CIAO3: variants seen among roughly 807,000 people sequenced by gnomAD.
CIAO3 encodes cytosolic iron-sulfur assembly component 3, also known as LET1 like/JFP15.
CIAO3 carries 45 observed loss-of-function variants against 51.5 expected under a neutral mutation model. The ratio of observed to expected loss-of-function variants is 0.87; its 90% CI spans 0.69 to 1.12. The LOEUF (loss-of-function observed/expected upper bound fraction) is 1.12. CIAO3 is among the 50% of genes most tolerant of loss of function. CIAO3 has a pLI of 0.00. For missense variants in CIAO3, 668 were observed against 632.5 expected (o/e 1.06, Z -0.60); for synonymous variants, 314 against 269.3 (o/e 1.17, Z -1.63).
At chr16:736,624 C>T (rs1567345638) in intron 3 of CIAO3, among the ~76,000 whole-genome samples, 1 of 152,006 alleles carries the variant, frequency 6.6e-6, no homozygotes, top group Non-Finnish European at 1.5e-5. Context: ...GTTCAGCCTC[C>T]TGGGTAGATG....
Position 730,881 on chromosome 16 carries a change from C to A in CIAO3, c.1154G>T (p.Cys385Phe). 1 of 1,612,896 alleles carries A rather than the reference C, an allele frequency of 6.2e-7. No homozygotes were observed. The highest frequency in any genetic ancestry group is 8.5e-7 in the Non-Finnish European group (1 of 1,180,006). ...CATGACCTCCACGTAGTGGTAGGGG[C>A]AGCGCCCTCGTTTGAGCCTCTGCAC... ...NLVQRLKRGR[C>F]PYHYVEVMAC... Residue 385 changes from cysteine to phenylalanine, a missense_variant, in exon 10 of 11, where the codon TGC (cysteine) becomes TTC (phenylalanine). By Grantham distance (205) the Cys-to-Phe change is radical. Coordinates refer to ENST00000251588, the MANE Select transcript of CIAO3 (RefSeq NM_022493.3).
At position 730,570 on chromosome 16, in the gene CIAO3, C is replaced by T. The variant is rs775803074; in HGVS notation, c.1278G>A (p.Met426Ile). ...CGTCCTCGGGCGCCTCAGCCCGGAC[C>T]ATGCCGTACAGTCTCTCCACGTGCT... ...LLQHVERLYG[M>I]VRAEAPEDAP... is the part of the protein sequence containing the mutation. Residue 426 changes from methionine (M) to isoleucine (I), a missense_variant, in exon 11 of 11, where the codon ATG becomes ATA. Coordinates refer to ENST00000251588, the MANE Select transcript of CIAO3 (RefSeq NM_022493.3). 2 of 1,611,040 alleles carry T rather than the reference C, an allele frequency of 1.2e-6. No individual in the cohort carries two copies. The highest frequency in any genetic ancestry group is 1.7e-6 in the Non-Finnish European group (2 of 1,179,984).
In CIAO3 at chr16:731,014, G is replaced by A; in HGVS notation, c.1035-14C>T. The A allele has an allele frequency of 6.2e-7, 1 of 1,612,288 alleles. No homozygotes were observed. The highest frequency in any genetic ancestry group is 1.1e-5 in the South Asian group (1 of 91,046). ...AAGTCTTTGTTCCTGGGGGGCACAG[G>A]CGGGGTTTGTCTACATGGCACACCC... On this transcript the variant is annotated splice_polypyrimidine_tract_variant and intron_variant, in intron 9 of 10. Transcript: ENST00000251588.
intron 9 of CIAO3, chr16:731,314 C>T: frequency 1.6e-6 from 1 of 608,626 alleles, no homozygotes; most frequent in Admixed American, 3.3e-5. Flanking sequence ...ATCACCTTTG[C>T]CCATGCTGGC....
chr16:730,660 G>T lies in CIAO3; in HGVS notation c.1193-5C>A. 2 of 1,607,438 alleles carry T rather than the reference G, an allele frequency of 1.2e-6. No individual in the cohort carries two copies. Among genetic ancestry groups the T allele is most frequent in the Non-Finnish European group, 1.7e-6 (2 of 1,179,266 alleles). ...GGCCCCCGCCGTTCAGGCAGCCTAT[G>T]GGAGAGCAGACGGGACAGGGGTCAC... On this transcript the variant is annotated splice_polypyrimidine_tract_variant and splice_region_variant and intron_variant, in intron 10 of 10. Coordinates refer to ENST00000251588, the MANE Select transcript of CIAO3 (RefSeq NM_022493.3).
At chr16:731,515 C>G in intron 9 of CIAO3, 50 bp downstream of exon 9, 1 of 1,505,670 alleles carries the variant, frequency 6.6e-7, no homozygotes, top group African/African-American at 1.4e-5. Flanking sequence ...CCGAGGAAGG[C>G]TGGGGGCTGT....
In CIAO3 at chr16:731,706, G is replaced by A; in HGVS notation, c.897-4C>T. 1 of 1,548,686 alleles carries A rather than the reference G, an allele frequency of 6.5e-7. No individual in the cohort carries two copies. The highest frequency in any genetic ancestry group is 2.4e-5 in the East Asian group (1 of 41,850). ...CTCTGCAGAGGCACCGCTGCACCTGGCAAGGAGGGAGGGGCCTCAGCACAG... is the reference window on the plus strand; with the variant it reads ...CTCTGCAGAGGCACCGCTGCACCTGACAAGGAGGGAGGGGCCTCAGCACAG... On this transcript the variant is annotated splice_polypyrimidine_tract_variant and splice_region_variant and intron_variant, in intron 8 of 10. Coordinates refer to ENST00000251588, the MANE Select transcript of CIAO3 (RefSeq NM_022493.3).
intron 4 of CIAO3, chr16:735,627 C>G (rs2041330181): frequency 6.6e-6 from 1 of 152,422 alleles, no homozygotes; most frequent in Non-Finnish European, 1.5e-5. Flanking sequence ...CTCCCAGTGC[C>G]AGAGCACTGC....
At chr16:735,759 G>A (rs1487450805) in intron 4 of CIAO3, among the ~76,000 whole-genome samples, 5 of 152,216 alleles carry the variant, frequency 3.3e-5, no homozygotes, top group Non-Finnish European at 5.9e-5. Context: ...GTTACAAGGC[G>A]CACAGGCCTG....
rs2041352584 is a variant in CIAO3 at position 737,611 on chromosome 16, C to CA, written c.163-283dup. 7.1e-7 allele frequency: 1 copy of CA among 1,409,670 alleles called. No homozygotes were observed. 87.3% of individuals were successfully genotyped at this position (1,409,670 alleles called of 1,614,324 possible). On this transcript the variant is annotated intron_variant, in intron 2 of 10. Coordinates refer to ENST00000251588, the MANE Select transcript of CIAO3 (RefSeq NM_022493.3). This position sits in a 1 kb window ranked among gnomAD's most constrained non-coding sequence, Gnocchi z 5.3. ...TATCTCAGCAAAGCAGCAGCCACCC[C>CA]ACTCACCCATGGGGCCCTGGACGGG...
chr16:733,869 G>A, intron 6 of CIAO3: 1 of 372,922 alleles, frequency 2.7e-6, no homozygotes, highest in Non-Finnish European at 5.1e-6. Flanking sequence ...GCCCCCTGCT[G>A]GCTGAGTGTC....
Position 730,942 on chromosome 16 carries a change from C to T in CIAO3, c.1093G>A (p.Ala365Thr), listed in dbSNP as rs147538611. Residue 365 changes from alanine to threonine, a missense_variant, in exon 10 of 11, where the codon GCA becomes ACA. Transcript: ENST00000251588. The part of the protein sequence containing the change: ...EKEGQVLLHF[A>T]MAYGFRNIQN... ...ATGTTGCGGAAGCCGTACGCCATTG[C>T]GAAGTGCAGCAGCACCTGGCCCTCC... is the stretch of plus-strand genomic sequence containing the variant. 502 of 1,612,980 alleles carry T rather than the reference C, an allele frequency of 3.1e-4. No homozygotes were observed. The highest frequency in any genetic ancestry group is 7.7e-4 in the Admixed American group (46 of 60,018).
Position 737,425 on chromosome 16 carries a change from A to T in CIAO3, c.163-96T>A. 6.3e-7 allele frequency: 1 copy of T among 1,587,610 alleles called. No individual in the cohort carries two copies. Among genetic ancestry groups the T allele is most frequent in the Admixed American group, 1.7e-5 (1 of 58,112 alleles). On this transcript the variant is annotated intron_variant, in intron 2 of 10. Transcript: ENST00000251588. This position sits in a 1 kb window ranked among gnomAD's most constrained non-coding sequence, Gnocchi z 5.3. ...GTCCAGCTCATAACCGACAACCAAC[A>T]TGGCTGCTGGCTGGGCTTGTGTGCC...
Position 730,619 on chromosome 16 carries a change from T to G in CIAO3, c.1229A>C (p.Asp410Ala). Reference protein sequence around the residue: ...LNGGGQLQAPDRPSRELLQHV... With the variant: ...LNGGGQLQAPARPSRELLQHV... ...CTGGAGGAGCTCTCTGCTGGGCCTGTCTGGGGCCTGGAGCTGGCCCCCGCC... is the reference window on the plus strand; with the variant it reads ...CTGGAGGAGCTCTCTGCTGGGCCTGGCTGGGGCCTGGAGCTGGCCCCCGCC... Residue 410 changes from aspartate (D) to alanine (A), a missense_variant, in exon 11 of 11, where the codon GAC (aspartate) becomes GCC (alanine). Asp to Ala is a moderately radical substitution (Grantham distance 126). Coordinates refer to ENST00000251588, the MANE Select transcript of CIAO3 (RefSeq NM_022493.3). 4 of 1,610,270 alleles carry G rather than the reference T, an allele frequency of 2.5e-6. No individual in the cohort carries two copies. Among genetic ancestry groups the G allele is most frequent in the Non-Finnish European group, 2.5e-6 (3 of 1,179,896 alleles).
chr16:734,974 C>A, intron 4 of CIAO3, 103 bp from the exon 5 acceptor site: 12 of 1,401,824 alleles, frequency 8.6e-6, no homozygotes, highest in Non-Finnish European at 1.1e-5. Flanking sequence ...ACGTGTGTCG[C>A]ACCTGCTTGC....
rs116885013 is a variant in CIAO3, at chr16:733,609, G to A, written c.694-182C>T. 4.9e-3 allele frequency: 4,284 copies of A among 872,228 alleles called. 15 individuals carry two copies. The highest frequency in any genetic ancestry group is 6.2e-3 in the Non-Finnish European group (3,650 of 586,976). The allele number at this position is 872,228 out of a possible 1,614,324, so 54.0% of individuals were successfully genotyped here. On this transcript the variant is annotated intron_variant, in intron 6 of 10. Transcript: ENST00000251588. ...TCCCTGGACAGGACGGGCCCTGGCTGTGACAGAAAATGACACTGACCCATT... is the reference window on the plus strand; with the variant it reads ...TCCCTGGACAGGACGGGCCCTGGCTATGACAGAAAATGACACTGACCCATT...
At chr16:732,482 G>A (rs778751336) in intron 7 of CIAO3, 109 bp from the exon 8 acceptor site, 1 of 1,269,022 alleles carries the variant, frequency 7.9e-7, no homozygotes, top group African/African-American at 1.5e-5. Flanking sequence ...GGCCCCAGAA[G>A]GCCCCAAATG....
Position 733,434 on chromosome 16 carries a change from G to C in CIAO3, c.694-7C>G. On this transcript the variant is annotated splice_region_variant and splice_polypyrimidine_tract_variant and intron_variant, in intron 6 of 10. Transcript: ENST00000251588. ...TCTTGTCAGGGGTCAAGTGCTACAA[G>C]GAGAAACAAACACTTGTCTCCCCAA... 1 of 1,613,528 alleles carries C rather than the reference G, an allele frequency of 6.2e-7. No individual in the cohort carries two copies. Among genetic ancestry groups the C allele is most frequent in the Non-Finnish European group, 8.5e-7 (1 of 1,179,904 alleles).
chr16:730,487 G>GCA lies in CIAO3; in HGVS notation c.1359_1360dup (p.Ala454ValfsTer57). ...GTACTGCGTATGCAGCAAGCGACCT[G>GCA]CACACTCCGAGTCCGTGCCCTGCAG... On this transcript the variant is annotated frameshift_variant, in exon 11 of 11. Transcript: ENST00000251588. LOFTEE classifies it high-confidence loss of function. 1 of 1,609,238 alleles carries GCA rather than the reference G, an allele frequency of 6.2e-7. No individual in the cohort carries two copies. The highest frequency in any genetic ancestry group is 8.5e-7 in the Non-Finnish European group (1 of 1,179,974).
Sources: allele counts gnomAD v4.1 joint callset (sites outside exome capture counted in the v4.1 genomes callset), GRCh38; gene constraint gnomAD v4.1.1; non-coding constraint Gnocchi (gnomAD v3.1); transcripts MANE v1.5; gene names NCBI Gene and HGNC (gene_info 2026-07-23, HGNC 2026-07-21).